Variants in LIMA1 observed in about 807,000 individuals in gnomAD.
LIMA1 encodes the protein LIM domain and actin-binding protein 1.
LIMA1 carries 52 observed loss-of-function variants against 62.6 expected under a neutral mutation model. The observed-to-expected ratio is 0.83, with a 90% confidence interval of 0.67 to 1.05. The LOEUF is 1.05. Ranked by LOEUF, LIMA1 falls within the 50% of genes least tolerant of loss-of-function variation. The pLI is 0.00. For synonymous variants in LIMA1, 302 were observed against 317.8 expected (o/e 0.95, Z 0.53); for missense variants, 780 against 902.2 (o/e 0.86, Z 1.74).
chr12:50,217,066 G>A (rs538484616), intron 4 of LIMA1, among the ~76,000 whole-genome samples: 2 of 151,374 alleles, frequency 1.3e-5, no homozygotes. Flanking sequence ...GACCACTAGG[G>A]TATAAAAACA....
At chr12:50,220,038 C>T (rs2138548209) in intron 4 of LIMA1, among the ~76,000 whole-genome samples, 1 of 151,566 alleles carries the variant, frequency 6.6e-6, no homozygotes, top group Admixed American at 6.6e-5. Context: ...GTGCTATCAG[C>T]CATCTAGTAG....
rs754373036 is a variant in LIMA1, at chr12:50,206,053, T to C, written c.646A>G (p.Ser216Gly). 1.9e-6 allele frequency: 3 copies of C among 1,612,838 alleles called. No individual in the cohort carries two copies. In the East Asian group the frequency reaches 6.7e-5, roughly 36 times the overall value. Residue 216 changes from serine to glycine, a missense_variant, in exon 5 of 11, where the codon AGC becomes GGC. Coordinates refer to ENST00000341247, the MANE Select transcript of LIMA1 (RefSeq NM_016357.5). Reference protein sequence around the residue: ...PTQTKILRAQSRSASGRKISE... With the variant: ...PTQTKILRAQGRSASGRKISE... ...ATCTTCCTTCCACTTGCACTTCGGC[T>C]TTGGGCCCGGAGAATCTGGAAAACG...
chr12:50,181,878 A>G, intron 10 of LIMA1, 26 bp downstream of exon 10: 1 of 1,613,988 alleles, frequency 6.2e-7, no homozygotes, highest in Non-Finnish European at 8.5e-7. Context: ...AGTTATAGAC[A>G]GATGGCTTGT....
intron 10 of LIMA1, 40 bp from the exon 11 acceptor site, chr12:50,178,109 T>C: frequency 7.2e-7 from 1 of 1,383,624 alleles, no homozygotes; most frequent in African/African-American, 1.5e-5. Flanking sequence ...TAGCAAATCT[T>C]CACATTCTCA....
intron 7 of LIMA1, among the ~76,000 whole-genome samples, chr12:50,197,346 A>G (rs572065087): frequency 1.9e-4 from 29 of 151,682 alleles, no homozygotes; most frequent in Non-Finnish European, 5.9e-5. Context: ...CTAGGATTAC[A>G]GGCGTGAGCC....
intron 10 of LIMA1, among the ~76,000 whole-genome samples, chr12:50,179,789 G>A (rs1940453467): frequency 1.3e-5 from 2 of 151,430 alleles, no homozygotes; most frequent in Non-Finnish European, 2.9e-5. Context: ...CACCCAGGCT[G>A]GAGTGCAATG....
At chr12:50,234,995 A>C (rs1249360201) in intron 2 of LIMA1, among the ~76,000 whole-genome samples, 1 of 152,118 alleles carries the variant, frequency 6.6e-6, no homozygotes, top group East Asian at 1.9e-4. Context: ...TGAGCTACAG[A>C]GTAAGACCCT....
At chr12:50,194,537 A>G (rs938739552) in intron 8 of LIMA1, among the ~76,000 whole-genome samples, 1 of 151,296 alleles carries the variant, frequency 6.6e-6, no homozygotes, top group Non-Finnish European at 1.5e-5. Flanking sequence ...ACCTCAAGTG[A>G]TCCACCCACT....
At chr12:50,278,578 G>C (rs1264659539) in intron 1 of LIMA1, among the ~76,000 whole-genome samples, 1 of 152,142 alleles carries the variant, frequency 6.6e-6, no homozygotes, top group African/African-American at 2.4e-5. Context: ...CCTTGACCTG[G>C]TAATTCAACC....
intron 2 of LIMA1, among the ~76,000 whole-genome samples, chr12:50,243,951 G>A (rs1941812522): frequency 1.3e-5 from 2 of 150,468 alleles, no homozygotes; most frequent in South Asian, 4.2e-4. Context: ...GTCTCACTCT[G>A]TTGCCCAGGC....
chr12:50,244,348 C>T (rs1405381462), intron 2 of LIMA1, among the ~76,000 whole-genome samples: 1 of 152,102 alleles, frequency 6.6e-6, no homozygotes, highest in Non-Finnish European at 1.5e-5. Flanking sequence ...CGTGATCTGC[C>T]CGCCTCAGCC....
chr12:50,199,591 T>C (rs1023731707), intron 7 of LIMA1, among the ~76,000 whole-genome samples: 1 of 152,188 alleles, frequency 6.6e-6, no homozygotes, highest in African/African-American at 2.4e-5. Context: ...TTATGATAGC[T>C]GACCTCTTAT....
chr12:50,240,771 C>A (rs146190393), intron 2 of LIMA1, among the ~76,000 whole-genome samples: 1 of 152,110 alleles, frequency 6.6e-6, no homozygotes, highest in Admixed American at 6.6e-5. Flanking sequence ...TTAGAACTTG[C>A]GTGCCCATGG....
intron 3 of LIMA1, chr12:50,230,061 G>T (rs1487865348): frequency 6.6e-6 from 1 of 152,160 alleles, no homozygotes; most frequent in African/African-American, 2.4e-5. Flanking sequence ...TTGAGACGGG[G>T]TCTCACTCTG....
At chr12:50,278,279 A>AG (rs1349144148) in intron 1 of LIMA1, among the ~76,000 whole-genome samples, 1 of 152,008 alleles carries the variant, frequency 6.6e-6, no homozygotes, top group African/African-American at 2.4e-5. Context: ...AAAAATAGCC[A>AG]GGTGTGGTGG....
At chr12:50,266,877 G>T (rs990402232) in intron 1 of LIMA1, among the ~76,000 whole-genome samples, 2 of 151,954 alleles carry the variant, frequency 1.3e-5, no homozygotes, top group Admixed American at 6.6e-5. Flanking sequence ...TCAAATATGT[G>T]TTGGCCACTC....
At chr12:50,220,129 C>T (rs1029349153) in intron 4 of LIMA1, among the ~76,000 whole-genome samples, 1 of 151,914 alleles carries the variant, frequency 6.6e-6, no homozygotes, top group Non-Finnish European at 1.5e-5. Context: ...GGCATGATCT[C>T]GGCTCACTGC....
intron 10 of LIMA1, 33 bp from the exon 11 acceptor site, chr12:50,178,102 C>G (rs1940397845): frequency 7.2e-7 from 1 of 1,389,846 alleles, no homozygotes; most frequent in African/African-American, 1.5e-5. Context: ...ATAAACTTAG[C>G]AAATCTTCAC....
chr12:50,248,803 G>A (rs764866703), intron 1 of LIMA1, 29 bp from the exon 2 acceptor site: 1 of 1,115,324 alleles, frequency 9.0e-7, no homozygotes, highest in Non-Finnish European at 1.4e-6. Flanking sequence ...CAGAACATTA[G>A]ACACAGAAGA....
Sources: allele counts gnomAD v4.1 joint callset (sites outside exome capture counted in the v4.1 genomes callset), GRCh38; gene constraint gnomAD v4.1.1; transcripts MANE v1.5; gene names NCBI Gene and HGNC (gene_info 2026-07-23, HGNC 2026-07-21).